The following PLA2R1 variants were observed in gnomAD, a reference collection of about 807,000 sequenced individuals.
The protein encoded by PLA2R1 is phospholipase A2 receptor 1.
Under a neutral mutation model 195.9 loss-of-function variants are expected in PLA2R1, and 158 were observed. The observed-to-expected ratio is 0.81, with a 90% confidence interval of 0.71 to 0.92. The LOEUF is 0.92. Among genes scored for constraint, PLA2R1 ranks in the 40% least tolerant of loss-of-function variants. The pLI is 0.00. For synonymous variants in PLA2R1, 586 were observed against 598.2 expected (o/e 0.98, Z 0.30); for missense variants, 1,626 against 1,764.6 (o/e 0.92, Z 1.41).
rs1359479852 is a variant in PLA2R1, at chr2:159,933,018, A to G, written c.*8760T>C. 3 of 151,986 alleles carry G rather than the reference A, an allele frequency of 2.0e-5. No individual in the cohort carries two copies. Among genetic ancestry groups the G allele is most frequent in the African/African-American group, 4.8e-5 (2 of 41,400 alleles). The allele number at this position is 151,986 out of a possible 1,614,324, so 9.4% of individuals were successfully genotyped here. Reference sequence around the variant, plus strand: ...TGATGTCTTTTTTTTTTTTTGAAGAAAAAAGATGGTATTGCTATTCATAAT... The same window carrying G: ...TGATGTCTTTTTTTTTTTTTGAAGAGAAAAGATGGTATTGCTATTCATAAT... On this transcript the variant is annotated 3_prime_UTR_variant, in exon 30 of 30. Coordinates refer to ENST00000283243, the MANE Select transcript of PLA2R1 (RefSeq NM_007366.5).
intron 23 of PLA2R1, among the ~76,000 whole-genome samples, chr2:159,953,187 T>G (rs1488919786): frequency 6.6e-6 from 1 of 152,254 alleles, no homozygotes; most frequent in Non-Finnish European, 1.5e-5. Context: ...TCCATTAAGT[T>G]TCAAAACAAG....
At chr2:159,964,644 A>C (rs954676877) in intron 20 of PLA2R1, among the ~76,000 whole-genome samples, 3 of 152,140 alleles carry the variant, frequency 2.0e-5, no homozygotes, top group African/African-American at 7.2e-5. Context: ...ATTCTAGAAA[A>C]TATCTCATGG....
At chr2:159,990,177 G>A (rs530487849) in intron 11 of PLA2R1, among the ~76,000 whole-genome samples, 1 of 152,146 alleles carries the variant, frequency 6.6e-6, no homozygotes, top group Non-Finnish European at 1.5e-5. Context: ...AAGGGTAAGG[G>A]TGTGGGAAAG....
chr2:159,974,831 G>A (rs992469293), intron 17 of PLA2R1, among the ~76,000 whole-genome samples: 1 of 152,124 alleles, frequency 6.6e-6, no homozygotes, highest in Non-Finnish European at 1.5e-5. Flanking sequence ...TGACCTGCTT[G>A]TACCTCATGG....
Position 159,965,912 on chromosome 2 carries a change from C to T in PLA2R1, c.2904+1627G>A, listed in dbSNP as rs72621697. 9.7e-3 allele frequency among the ~76,000 whole-genome samples: 1,483 copies of T among 152,132 alleles called. 61 individuals are homozygous for T. In the East Asian group the frequency reaches 0.14, roughly 14 times the overall value. ...TGGAGTGGCAGTCCTTAAGTGCCAACGTGAAGTGGCAGGCATAGGAAAGGG... is the reference window on the plus strand; with the variant it reads ...TGGAGTGGCAGTCCTTAAGTGCCAATGTGAAGTGGCAGGCATAGGAAAGGG... On this transcript the variant is annotated intron_variant, in intron 20 of 29. Transcript: ENST00000283243.
At chr2:160,057,140 G>A (rs1236577718) in intron 1 of PLA2R1, among the ~76,000 whole-genome samples, 1 of 152,152 alleles carries the variant, frequency 6.6e-6, no homozygotes, top group Non-Finnish European at 1.5e-5. Flanking sequence ...GAAATTAAGG[G>A]ACTCTTCCCA....
In PLA2R1 at chr2:160,006,248, T is replaced by C. The variant is rs1234318856; in HGVS notation, c.1665-427A>G. On this transcript the variant is annotated intron_variant, in intron 10 of 29. Coordinates refer to ENST00000283243, the MANE Select transcript of PLA2R1 (RefSeq NM_007366.5). ...GAGGAGGAAAGATATTATGCTTTTC[T>C]GAATGAGCATTTACTAATACAGAGT... Among the ~76,000 whole-genome samples, 3 of 152,348 alleles carry C rather than the reference T, an allele frequency of 2.0e-5. No homozygotes were observed. In the East Asian group the frequency reaches 5.8e-4, roughly 29 times the overall value.
intron 13 of PLA2R1, 56 bp downstream of exon 13, chr2:159,983,872 C>T: frequency 1.0e-6 from 1 of 985,850 alleles, no homozygotes. Flanking sequence ...CCTCAGAAGC[C>T]ATTACTGGGA....
the PLA2R1 span, among the ~76,000 whole-genome samples, chr2:159,925,790 T>C: frequency 6.6e-6 from 1 of 152,196 alleles, no homozygotes; most frequent in Non-Finnish European, 1.5e-5. Flanking sequence ...CACCTTCTTA[T>C]TTTTCAGCAA....
At chr2:160,030,786 G>A (rs1375747172) in intron 4 of PLA2R1, among the ~76,000 whole-genome samples, 1 of 152,142 alleles carries the variant, frequency 6.6e-6, no homozygotes, top group Non-Finnish European at 1.5e-5. Context: ...AAATACCTTG[G>A]TTGGAACAGG....
intron 18 of PLA2R1, among the ~76,000 whole-genome samples, chr2:159,969,835 G>A (rs77815382): frequency 0.027 from 4,071 of 152,176 alleles, 170 homozygotes; most frequent in African/African-American, 0.087. Flanking sequence ...GAACCACCGC[G>A]CCCAGCTAAG....
At chr2:159,984,348 T>C (rs1391014156) in intron 12 of PLA2R1, among the ~76,000 whole-genome samples, 1 of 152,184 alleles carries the variant, frequency 6.6e-6, no homozygotes, top group Non-Finnish European at 1.5e-5. Flanking sequence ...ACCCTAAATC[T>C]TCTGTGACTG....
chr2:160,055,202 G>T (rs115617609), intron 1 of PLA2R1, among the ~76,000 whole-genome samples: 4 of 152,306 alleles, frequency 2.6e-5, no homozygotes, highest in Non-Finnish European at 5.9e-5. Flanking sequence ...ACTCACAAAG[G>T]CTTGCCAGGA....
At chr2:160,036,667 G>A (rs1191559228) in intron 3 of PLA2R1, among the ~76,000 whole-genome samples, 3 of 152,232 alleles carry the variant, frequency 2.0e-5, no homozygotes, top group African/African-American at 7.2e-5. Flanking sequence ...GGCTGGGATG[G>A]AGTGGGAAGG....
At chr2:159,996,445 T>C (rs1216697008) in intron 11 of PLA2R1, among the ~76,000 whole-genome samples, 1 of 152,102 alleles carries the variant, frequency 6.6e-6, no homozygotes, top group Non-Finnish European at 1.5e-5. Context: ...AAGGTGTTTT[T>C]CCCCTCTGGC....
At chr2:160,058,211 A>G (rs954424996) in intron 1 of PLA2R1, among the ~76,000 whole-genome samples, 6 of 152,144 alleles carry the variant, frequency 3.9e-5, no homozygotes, top group Non-Finnish European at 5.9e-5. Flanking sequence ...ATTGCCTGAC[A>G]GATAATGAAC....
chr2:159,954,846 T>C (rs1448717349), intron 23 of PLA2R1, among the ~76,000 whole-genome samples: 1 of 152,144 alleles, frequency 6.6e-6, no homozygotes, highest in Admixed American at 6.6e-5. Context: ...AAATATGAGT[T>C]GGTTTATTTC....
chr2:159,958,223 T>A (rs1383380859), intron 20 of PLA2R1, among the ~76,000 whole-genome samples: 1 of 152,044 alleles, frequency 6.6e-6, no homozygotes, highest in Non-Finnish European at 1.5e-5. Context: ...ATGCGAGATC[T>A]GATTGTTTAA....
intron 20 of PLA2R1, among the ~76,000 whole-genome samples, chr2:159,961,453 G>A (rs767591505): frequency 2.8e-4 from 42 of 152,118 alleles, no homozygotes; most frequent in Non-Finnish European, 4.1e-4. Context: ...TCTTCAGGAC[G>A]TCTCCTGCAC....
Sources: allele counts gnomAD v4.1 joint callset (sites outside exome capture counted in the v4.1 genomes callset), GRCh38; gene constraint gnomAD v4.1.1; transcripts MANE v1.5; gene names NCBI Gene and HGNC (gene_info 2026-07-23, HGNC 2026-07-21).